The following IL17B variants were observed in gnomAD, a reference collection of about 807,000 sequenced individuals.
IL17B encodes the protein interleukin-17B.
A neutral mutation model predicts 14.7 loss-of-function variants in IL17B; 14 were observed. The ratio of observed to expected loss-of-function variants is 0.95; its 90% CI spans 0.63 to 1.49. The LOEUF (loss-of-function observed/expected upper bound fraction) is 1.49, where lower values mean the gene tolerates loss of function less well. Ranked by LOEUF, IL17B falls within the 40% of genes most tolerant of loss-of-function variation. The pLI is 0.00. For synonymous variants in IL17B, 105 were observed against 94.8 expected (o/e 1.11, Z -0.62); for missense variants, 233 against 252.8 (o/e 0.92, Z 0.53).
At chr5:149,382,142 G>A (rs141969938), upstream of IL17B, among the ~76,000 whole-genome samples, 1 of 152,338 alleles carries the variant, frequency 6.6e-6, no homozygotes, top group Non-Finnish European at 1.5e-5. Context: ...CTTTCTCCAA[G>A]AGCGGCCCGG....
At chr5:149,383,734 G>A (rs1224815789), upstream of IL17B, among the ~76,000 whole-genome samples, 2 of 152,256 alleles carry the variant, frequency 1.3e-5, no homozygotes, top group East Asian at 1.9e-4. Context: ...AAAGGCCTGG[G>A]TGAATGGGCG....
At chr5:149,395,391 G>C (rs1433240033) in intron 1 of IL17B, among the ~76,000 whole-genome samples, 1 of 152,098 alleles carries the variant, frequency 6.6e-6, no homozygotes, top group African/African-American at 2.4e-5. Flanking sequence ...CCCATCTTCT[G>C]TGCCATGTTT....
upstream of IL17B, among the ~76,000 whole-genome samples, chr5:149,382,852 C>T (rs905565173): frequency 2.0e-5 from 3 of 152,208 alleles, no homozygotes; most frequent in African/African-American, 7.2e-5. Context: ...CCAGGGTGCT[C>T]GTGGGGCACC....
intron 1 of IL17B, among the ~76,000 whole-genome samples, chr5:149,390,616 CACA>C (rs1758925429): frequency 1.4e-5 from 2 of 145,314 alleles, no homozygotes; most frequent in Non-Finnish European, 3.0e-5. Flanking sequence ...CACACACACA[CACA>C]CACACACACA....
chr5:149,388,370 C>T (rs908737288), intron 1 of IL17B, among the ~76,000 whole-genome samples: 5 of 152,306 alleles, frequency 3.3e-5, no homozygotes, highest in Non-Finnish European at 7.3e-5. Flanking sequence ...TAGCTCTGAC[C>T]CTGGCATTCC....
In IL17B at chr5:149,401,289, C is replaced by G. The variant is rs955481910; in HGVS notation, n.95+2819G>C. On this transcript the variant is annotated intron_variant and non_coding_transcript_variant, in intron 1 of 2. Transcript: ENST00000505432. ...GAATAATTGCTTTCCTGCACATGGA[C>G]CCTGACTGGTAAGACTTGATTAGAC... is the stretch of plus-strand genomic sequence containing the variant. Among the ~76,000 whole-genome samples the G allele has an allele frequency of 3.3e-5, 5 of 152,340 alleles. No homozygotes were observed. In the East Asian group the frequency reaches 7.7e-4, roughly 23 times the overall value.
intron 1 of IL17B, among the ~76,000 whole-genome samples, chr5:149,387,314 G>T (rs1758844585): frequency 6.6e-6 from 1 of 152,204 alleles, no homozygotes; most frequent in Admixed American, 6.5e-5. Flanking sequence ...CCAAAGTCTG[G>T]TTCCCAGGAA....
intron 1 of IL17B, among the ~76,000 whole-genome samples, chr5:149,386,685 C>T (rs890952503): frequency 3.3e-5 from 5 of 152,270 alleles, no homozygotes; most frequent in South Asian, 4.1e-4. Flanking sequence ...ATATTGAACA[C>T]CTACTATGTG....
At chr5:149,388,831 G>C (rs1043686179) in intron 1 of IL17B, among the ~76,000 whole-genome samples, 3 of 152,222 alleles carry the variant, frequency 2.0e-5, no homozygotes, top group Non-Finnish European at 2.9e-5. Context: ...GTAGACAACA[G>C]ATCTGCAGAG....
chr5:149,399,759 T>C (rs1218678606), intron 1 of IL17B, among the ~76,000 whole-genome samples: 1 of 152,116 alleles, frequency 6.6e-6, no homozygotes, highest in Non-Finnish European at 1.5e-5. Flanking sequence ...GAGGACAGTG[T>C]TGTTTCTAAT....
chr5:149,380,331 CACTT>C (rs1282615186), upstream of IL17B, among the ~76,000 whole-genome samples: 3 of 152,316 alleles, frequency 2.0e-5, no homozygotes, highest in South Asian at 2.1e-4. Context: ...GCTCAATAAA[CACTT>C]AGCTATTTAT....
At chr5:149,379,183 G>A (rs1210036916) in intron 1 of IL17B, 22 bp downstream of exon 1, 1 of 1,614,018 alleles carries the variant, frequency 6.2e-7, no homozygotes, top group Admixed American at 1.7e-5. Context: ...GGGTGGGGGT[G>A]CGGCAGGGAA....
chr5:149,393,652 CCCTCTCTT>C (rs927983880), intron 1 of IL17B, among the ~76,000 whole-genome samples: 6 of 152,174 alleles, frequency 3.9e-5, no homozygotes, highest in African/African-American at 1.2e-4. Context: ...CTAACTCCCT[CCCTCTCTT>C]CCTCTCTTCC....
intron 1 of IL17B, among the ~76,000 whole-genome samples, chr5:149,398,983 C>T (rs980049689): frequency 4.6e-5 from 7 of 152,308 alleles, no homozygotes; most frequent in African/African-American, 1.7e-4. Context: ...GCACTTCTTA[C>T]GTGGCAGCAG....
At chr5:149,383,482 G>T (rs952283828), upstream of IL17B, among the ~76,000 whole-genome samples, 4 of 152,202 alleles carry the variant, frequency 2.6e-5, no homozygotes, top group Non-Finnish European at 5.9e-5. Flanking sequence ...AGGCTAGTCG[G>T]CGCCTTTGCT....
At chr5:149,397,827 AG>A (rs1475704668) in intron 1 of IL17B, among the ~76,000 whole-genome samples, 1 of 152,200 alleles carries the variant, frequency 6.6e-6, no homozygotes, top group Non-Finnish European at 1.5e-5. Context: ...TAAGTCCTAG[AG>A]TCCAAAAGCT....
intron 1 of IL17B, among the ~76,000 whole-genome samples, chr5:149,392,958 G>A (rs1759008937): frequency 6.6e-6 from 1 of 150,524 alleles, no homozygotes; most frequent in South Asian, 2.1e-4. Flanking sequence ...GTGCGTGTGT[G>A]CGTGTGTGTG....
chr5:149,384,151 AATAATT>A (rs879730170), upstream of IL17B, among the ~76,000 whole-genome samples: 8 of 152,182 alleles, frequency 5.3e-5, no homozygotes, highest in Non-Finnish European at 8.8e-5. Context: ...GGTTGTTGAA[AATAATT>A]ATAATTATAA....
intron 1 of IL17B, among the ~76,000 whole-genome samples, chr5:149,400,328 G>C (rs547354500): frequency 6.6e-6 from 1 of 152,314 alleles, no homozygotes; most frequent in Admixed American, 6.5e-5. Context: ...CAAGCCGCTA[G>C]AATCTAGGAG....
Sources: allele counts gnomAD v4.1 joint callset (sites outside exome capture counted in the v4.1 genomes callset), GRCh38; gene constraint gnomAD v4.1.1; transcripts MANE v1.5; gene names NCBI Gene and HGNC (gene_info 2026-07-23, HGNC 2026-07-21).